The following RBMS1 variants were observed in gnomAD, a reference collection of about 807,000 sequenced individuals.
RBMS1 encodes RNA-binding motif, single-stranded-interacting protein 1.
Under a neutral mutation model 62.3 loss-of-function variants are expected in RBMS1, and 17 were observed. The ratio of observed to expected loss-of-function variants is 0.27; its 90% CI spans 0.19 to 0.41. The LOEUF (loss-of-function observed/expected upper bound fraction) is 0.41. Ranked by LOEUF, RBMS1 falls within the 10% of genes least tolerant of loss-of-function variation. The pLI is 1.00. For missense variants in RBMS1, 334 were observed against 504.5 expected (o/e 0.66, Z 3.24); for synonymous variants, 172 against 170.0 (o/e 1.01, Z -0.09).
At chr2:160,493,017 T>A (rs978956639) in intron 1 of RBMS1, 1 of 392,324 alleles carries the variant, frequency 2.5e-6, no homozygotes, top group Non-Finnish European at 4.5e-6. Flanking sequence ...CCCTCCCCGC[T>A]GGCCGGGCCA....
At chr2:160,475,662 T>G (rs1239510978) in intron 1 of RBMS1, among the ~76,000 whole-genome samples, 1 of 152,250 alleles carries the variant, frequency 6.6e-6, no homozygotes, top group Non-Finnish European at 1.5e-5. Context: ...CCTATCAGAA[T>G]CCTAACTAAT....
chr2:160,350,992 C>G (rs549091630), intron 2 of RBMS1, among the ~76,000 whole-genome samples: 4 of 152,020 alleles, frequency 2.6e-5, no homozygotes, highest in African/African-American at 9.6e-5. Context: ...TGTTCCTATT[C>G]GCCATAAAAA....
intron 1 of RBMS1, among the ~76,000 whole-genome samples, chr2:160,425,784 C>T (rs1162582122): frequency 6.6e-6 from 1 of 152,158 alleles, no homozygotes; most frequent in African/African-American, 2.4e-5. Flanking sequence ...CATAGACCCA[C>T]CTAGGAGGCT....
chr2:160,353,904 C>A (rs563903950), intron 2 of RBMS1, among the ~76,000 whole-genome samples: 66 of 152,164 alleles, frequency 4.3e-4, no homozygotes, highest in African/African-American at 1.5e-3. Flanking sequence ...CCCACTTAGT[C>A]CCTACAAGAA....
At chr2:160,340,019 A>C (rs918739458) in intron 2 of RBMS1, among the ~76,000 whole-genome samples, 2 of 152,162 alleles carry the variant, frequency 1.3e-5, no homozygotes, top group Non-Finnish European at 2.9e-5. Context: ...TTAAAGGATC[A>C]GTTTAGATTA....
intron 2 of RBMS1, among the ~76,000 whole-genome samples, chr2:160,337,575 G>C (rs934982290): frequency 3.9e-5 from 6 of 152,086 alleles, no homozygotes; most frequent in Middle Eastern, 3.4e-3. Context: ...CATATACTTT[G>C]AGTGAAATGA....
intron 1 of RBMS1, among the ~76,000 whole-genome samples, chr2:160,465,888 A>ACTCT (rs1553531333): frequency 2.1e-5 from 3 of 145,384 alleles, no homozygotes; most frequent in African/African-American, 7.7e-5. Context: ...ACACACACAC[A>ACTCT]CTCTCACATT....
intron 1 of RBMS1, among the ~76,000 whole-genome samples, chr2:160,464,309 T>C (rs922108498): frequency 3.3e-5 from 5 of 152,172 alleles, no homozygotes; most frequent in Non-Finnish European, 7.3e-5. Context: ...AAAACTACTA[T>C]GCAACAAAAT....
At chr2:160,430,849 T>C (rs757442766) in intron 1 of RBMS1, among the ~76,000 whole-genome samples, 5 of 152,042 alleles carry the variant, frequency 3.3e-5, no homozygotes, top group Non-Finnish European at 5.9e-5. Context: ...CTTATTCTCA[T>C]TGTAGACAAG....
At chr2:160,491,390 T>C (rs1376692473) in intron 1 of RBMS1, among the ~76,000 whole-genome samples, 2 of 152,268 alleles carry the variant, frequency 1.3e-5, no homozygotes, top group African/African-American at 4.8e-5. Flanking sequence ...CAAATCAATA[T>C]TAAATGCTTT....
At chr2:160,330,547 C>A (rs1209921073) in intron 2 of RBMS1, among the ~76,000 whole-genome samples, 1 of 151,484 alleles carries the variant, frequency 6.6e-6, no homozygotes, top group Non-Finnish European at 1.5e-5. Flanking sequence ...AGGTCTTATA[C>A]ATAAGTTCCA....
At chr2:160,469,520 G>C (rs537293423) in intron 1 of RBMS1, among the ~76,000 whole-genome samples, 31 of 152,286 alleles carry the variant, frequency 2.0e-4, no homozygotes, top group Non-Finnish European at 3.7e-4. Context: ...TTTCTTCTCA[G>C]TTGGCTAACA....
At chr2:160,448,310 G>A (rs1373580090) in intron 1 of RBMS1, among the ~76,000 whole-genome samples, 1 of 51,908 alleles carries the variant, frequency 1.9e-5, no homozygotes, top group Non-Finnish European at 3.7e-5. Flanking sequence ...CCCCTCTCCC[G>A]TCTCCCTCTT....
chr2:160,426,284 AGAAAGAAAAGAAAGAAGGAAG>A, intron 1 of RBMS1, among the ~76,000 whole-genome samples: 1 of 116,110 alleles, frequency 8.6e-6, no homozygotes, highest in East Asian at 2.5e-4. Flanking sequence ...AAAGAAAGAA[AGAAAGAAAAGAAAGAAGGAAG>A]GAAGGAAGGA....
At chr2:160,285,119 T>C in intron 7 of RBMS1, 75 bp from the exon 8 acceptor site, 1 of 1,428,116 alleles carries the variant, frequency 7.0e-7, no homozygotes, top group Non-Finnish European at 9.9e-7. Flanking sequence ...TAGCCAGGTG[T>C]GGTGGTGTGC....
rs371920006 is a variant in RBMS1, at chr2:160,439,739, T to C, written c.75+53550A>G. Among the ~76,000 whole-genome samples, 1,372 of 152,232 alleles carry C rather than the reference T, an allele frequency of 9.0e-3. 15 individuals carry two copies. Among genetic ancestry groups the C allele is most frequent in the Non-Finnish European group, 0.012 (826 of 68,004 alleles). ...TGGAGGTTGTAGCAAGCCGAGATCA[T>C]GCCACTGCACTCCAGCCTGGGCACC... On this transcript the variant is annotated intron_variant, in intron 1 of 13. Transcript: ENST00000348849.
intron 1 of RBMS1, among the ~76,000 whole-genome samples, chr2:160,475,949 C>T (rs1222126147): frequency 2.6e-5 from 4 of 151,732 alleles, no homozygotes; most frequent in East Asian, 3.9e-4. Context: ...CTTCGCCCCC[C>T]GAGCTCTGTC....
At chr2:160,300,855 T>A in intron 5 of RBMS1, 125 bp from the exon 6 acceptor site, 1 of 1,106,738 alleles carries the variant, frequency 9.0e-7, no homozygotes. Context: ...AAAATGTGAA[T>A]ATGATAAAGG....
intron 1 of RBMS1, among the ~76,000 whole-genome samples, chr2:160,453,990 C>T (rs1018317861): frequency 6.6e-6 from 1 of 152,192 alleles, no homozygotes; most frequent in African/African-American, 2.4e-5. Context: ...CCTCTATGAA[C>T]GTTTCTTCTA....
Sources: gnomAD v4.1 joint callset for allele counts (sites outside exome capture counted in the v4.1 genomes callset) on GRCh38, gnomAD v4.1.1 for gene constraint, MANE v1.5 for transcripts, NCBI Gene and HGNC (gene_info 2026-07-23, HGNC 2026-07-21) for gene names.